RTTN: variants seen among roughly 807,000 people sequenced by gnomAD.
The protein encoded by RTTN is rotatin.
In RTTN, 182 loss-of-function variants were observed where a neutral mutation model predicts 269.2. The observed-to-expected ratio is 0.68, with a 90% CI of 0.60 to 0.76. The LOEUF (loss-of-function observed/expected upper bound fraction) is 0.76. RTTN is among the 30% of genes least tolerant of loss of function. RTTN has a pLI of 0.00. For missense variants in RTTN, 2,545 were observed against 2,608.6 expected, an observed-to-expected ratio of 0.98 and a Z score of 0.53; for synonymous variants, 1,006 against 963.5, an observed-to-expected ratio of 1.04 and a Z score of -0.82.
At chr18:70,138,703 C>T (rs534636756) in intron 21 of RTTN, 5 of 152,180 alleles carry the variant, frequency 3.3e-5, no homozygotes, top group African/African-American at 1.2e-4. Context: ...AGAGCTTTAC[C>T]TGGTTTTAGG....
At chr18:70,099,249 G>A (rs2059089783) in intron 28 of RTTN, among the ~76,000 whole-genome samples, 1 of 152,164 alleles carries the variant, frequency 6.6e-6, no homozygotes, top group Non-Finnish European at 1.5e-5. Flanking sequence ...ATCCTCTCCA[G>A]CACCTGTTGT....
At chr18:70,203,990 TG>T in intron 3 of RTTN, 95 bp downstream of exon 3, 1 of 942,320 alleles carries the variant, frequency 1.1e-6, no homozygotes, top group Non-Finnish European at 1.6e-6. Flanking sequence ...TTGGGGGAGG[TG>T]GGAGAAATCC....
intron 40 of RTTN, among the ~76,000 whole-genome samples, chr18:70,031,914 G>A (rs2144635533): frequency 6.6e-6 from 1 of 152,240 alleles, no homozygotes; most frequent in East Asian, 1.9e-4. Flanking sequence ...CTCCTGCAGA[G>A]GGGGAAGTTG....
chr18:70,200,770 T>C (rs541902916), intron 4 of RTTN, among the ~76,000 whole-genome samples: 3 of 152,360 alleles, frequency 2.0e-5, no homozygotes, highest in African/African-American at 7.2e-5. Flanking sequence ...ACTTAACTAC[T>C]TCCTAACTGC....
intron 46 of RTTN, among the ~76,000 whole-genome samples, chr18:70,012,140 A>T (rs1444853813): frequency 2.9e-3 from 156 of 53,642 alleles, no homozygotes; most frequent in African/African-American, 3.4e-3. Context: ...CTGGTGTTAG[A>T]CAGAGGGCAG....
chr18:70,153,255 T>C (rs2060586627), intron 14 of RTTN, among the ~76,000 whole-genome samples: 1 of 151,978 alleles, frequency 6.6e-6, no homozygotes, highest in Admixed American at 6.6e-5. Flanking sequence ...TATATACATA[T>C]TCTATACATA....
Position 70,204,115 on chromosome 18 carries a change from G to A in RTTN, c.368C>T (p.Ser123Phe), listed in dbSNP as rs771074308. 8 of 1,613,576 alleles carry A rather than the reference G, an allele frequency of 5.0e-6. 1 individual carries two copies. In the South Asian group the frequency reaches 5.5e-5, roughly 11 times the overall value. ...TTGATTGGTTTGGTATGAGGCAGAA[G>A]ATAGTGCAGGAACTTCCGAAGGAAG... ...FLLPSEVPAL[S>F]SASYQTNQTE... Residue 123 changes from serine to phenylalanine, a missense_variant, in exon 3 of 49, where the codon TCT (serine) becomes TTT (phenylalanine). Transcript: ENST00000640769.
chr18:70,141,806 TA>T (rs373569285), intron 19 of RTTN, among the ~76,000 whole-genome samples: 4 of 152,264 alleles, frequency 2.6e-5, no homozygotes, highest in African/African-American at 9.6e-5. Flanking sequence ...AGAAAAGGCA[TA>T]GCTACAGTGT....
intron 32 of RTTN, among the ~76,000 whole-genome samples, chr18:70,083,494 A>G (rs2058624408): frequency 1.3e-5 from 2 of 152,116 alleles, no homozygotes; most frequent in African/African-American, 4.8e-5. Flanking sequence ...ATTAAGTTAA[A>G]TGGTAAGAAA....
At chr18:70,023,367 G>T (rs11151555) in intron 44 of RTTN, among the ~76,000 whole-genome samples, 122,805 of 152,166 alleles carry the variant, frequency 0.81, 53,978 homozygotes, top group East Asian at 1. Context: ...CCCAACATTT[G>T]AAATCTTCAA....
chr18:70,201,858 C>G (rs777160757), intron 4 of RTTN, 36 bp downstream of exon 4: 2 of 1,307,564 alleles, frequency 1.5e-6, no homozygotes, highest in South Asian at 2.6e-5. Flanking sequence ...TTCAACTTCC[C>G]AAGTCAACAG....
rs868230429 is a variant in RTTN, at chr18:70,040,108, T to C, written c.5541+7863A>G. Among the ~76,000 whole-genome samples, 10 of 152,052 alleles carry C rather than the reference T, an allele frequency of 6.6e-5. No individual in the cohort carries two copies. In the South Asian group the frequency reaches 2.1e-3, roughly 32 times the overall value. ...CAAATAACAAAACGGCAGAAGGCAG[T>C]CCCTACTTGTCAATAACAACATTCA... On this transcript the variant is annotated intron_variant, in intron 40 of 48. Transcript: ENST00000640769.
chr18:70,175,095 A>G (rs1169089585), intron 11 of RTTN, among the ~76,000 whole-genome samples: 1 of 151,378 alleles, frequency 6.6e-6, no homozygotes, highest in African/African-American at 2.4e-5. Context: ...GACGCTGTCA[A>G]TTGGACTTAA....
At chr18:70,144,203 T>C (rs2060330875) in intron 18 of RTTN, among the ~76,000 whole-genome samples, 3 of 152,120 alleles carry the variant, frequency 2.0e-5, no homozygotes, top group African/African-American at 7.2e-5. Context: ...ATTAATCCAT[T>C]AGCAACCTTA....
At chr18:70,192,143 G>A (rs2146104907) in intron 8 of RTTN, among the ~76,000 whole-genome samples, 1 of 152,282 alleles carries the variant, frequency 6.6e-6, no homozygotes, top group East Asian at 1.9e-4. Flanking sequence ...GACAAAGTAT[G>A]CAAAGCACAG....
intron 32 of RTTN, 81 bp downstream of exon 32, chr18:70,086,532 A>G: frequency 9.2e-7 from 1 of 1,089,940 alleles, no homozygotes; most frequent in Non-Finnish European, 1.4e-6. Flanking sequence ...ATCAATAATG[A>G]AATATACTAC....
chr18:70,080,982 A>G (rs1230394840), intron 32 of RTTN, among the ~76,000 whole-genome samples: 2 of 150,600 alleles, frequency 1.3e-5, no homozygotes, highest in African/African-American at 4.9e-5. Context: ...ACTATGGAAT[A>G]CTACTCAGCC....
chr18:70,186,164 T>C (rs962865929), intron 10 of RTTN, among the ~76,000 whole-genome samples: 4 of 151,164 alleles, frequency 2.6e-5, no homozygotes, highest in Non-Finnish European at 5.9e-5. Flanking sequence ...TTGTAATAAC[T>C]AGAAACAACC....
At chr18:70,089,400 T>A (rs1157398125) in intron 30 of RTTN, among the ~76,000 whole-genome samples, 1 of 152,206 alleles carries the variant, frequency 6.6e-6, no homozygotes. Flanking sequence ...ATGTTGACAC[T>A]CTGATCTTGG....
Sources: gnomAD v4.1 joint callset for allele counts (sites outside exome capture counted in the v4.1 genomes callset) on GRCh38, gnomAD v4.1.1 for gene constraint, MANE v1.5 for transcripts, NCBI Gene and HGNC (gene_info 2026-07-23, HGNC 2026-07-21) for gene names.